The following RBMS1 variants were observed in gnomAD, a reference collection of about 807,000 sequenced individuals.
RBMS1 encodes the protein RNA-binding motif, single-stranded-interacting protein 1.
Under a neutral mutation model 62.3 loss-of-function variants are expected in RBMS1, and 17 were observed. The observed-to-expected ratio is 0.27, with a 90% CI of 0.19 to 0.41. RBMS1 has a LOEUF of 0.41. Ranked by LOEUF, RBMS1 falls within the 10% of genes least tolerant of loss-of-function variation. The pLI is 1.00. For missense variants in RBMS1, 334 were observed against 504.5 expected, an observed-to-expected ratio of 0.66 and a Z score of 3.24; for synonymous variants, 172 against 170.0, an observed-to-expected ratio of 1.01 and a Z score of -0.09.
At chr2:160,411,755 A>G (rs1389985422) in intron 1 of RBMS1, among the ~76,000 whole-genome samples, 1 of 152,190 alleles carries the variant, frequency 6.6e-6, no homozygotes, top group Non-Finnish European at 1.5e-5. Flanking sequence ...AGGTTTTATC[A>G]TGGTGATGCC....
intron 9 of RBMS1, chr2:160,282,543 C>T: frequency 3.4e-6 from 1 of 290,226 alleles, no homozygotes; most frequent in South Asian, 3.2e-5. Context: ...CCAGATGCCC[C>T]CATTTTTTAT....
chr2:160,318,229 T>TAAAAAAAAAAAAAAAA lies in RBMS1; in HGVS notation c.252-18_252-3dup, dbSNP rs5835799. 27 of 1,164,704 alleles carry TAAAAAAAAAAAAAAAA rather than the reference T, an allele frequency of 2.3e-5. No homozygotes were observed. Among genetic ancestry groups the TAAAAAAAAAAAAAAAA allele is most frequent in the South Asian group, 8.1e-5 (4 of 49,562 alleles). 72.1% of individuals were successfully genotyped at this position (1,164,704 alleles called of 1,614,324 possible). ...TTTGTGGAGACTATTTTCCCATATC[T>TAAAAAAAAAAAAAAAA]AAAAAAAAAAAAAAAAAAAAAAAGG... On this transcript the variant is annotated splice_polypyrimidine_tract_variant and splice_region_variant and intron_variant, in intron 2 of 13. Coordinates refer to ENST00000348849, the MANE Select transcript of RBMS1 (RefSeq NM_016836.4).
At chr2:160,287,865 C>T (rs796076760) in intron 6 of RBMS1, among the ~76,000 whole-genome samples, 59 of 151,574 alleles carry the variant, frequency 3.9e-4, no homozygotes, top group African/African-American at 1.3e-3. Context: ...CTGGGTATTG[C>T]TTTACTATAT....
intron 1 of RBMS1, among the ~76,000 whole-genome samples, chr2:160,420,346 C>T (rs1696373597): frequency 1.3e-5 from 2 of 152,200 alleles, no homozygotes; most frequent in Admixed American, 6.5e-5. Context: ...CCAAACCACA[C>T]TCATCCCTCC....
intron 6 of RBMS1, among the ~76,000 whole-genome samples, chr2:160,297,035 C>A (rs945723606): frequency 6.6e-6 from 1 of 152,174 alleles, no homozygotes; most frequent in Admixed American, 6.5e-5. Flanking sequence ...CTAAGTGAAA[C>A]CTCAACTTTA....
chr2:160,370,819 A>T (rs1211268327), intron 1 of RBMS1, among the ~76,000 whole-genome samples: 1 of 152,248 alleles, frequency 6.6e-6, no homozygotes, highest in South Asian at 2.1e-4. Flanking sequence ...ACTTAATACC[A>T]TTGGCAGATA....
intron 2 of RBMS1, among the ~76,000 whole-genome samples, chr2:160,352,427 A>G (rs1692569078): frequency 6.6e-6 from 1 of 152,134 alleles, no homozygotes; most frequent in Non-Finnish European, 1.5e-5. Flanking sequence ...GGTTCCATCA[A>G]TTTTCCATAT....
chr2:160,393,021 C>T (rs568955235), intron 1 of RBMS1, among the ~76,000 whole-genome samples: 85 of 152,290 alleles, frequency 5.6e-4, no homozygotes, highest in African/African-American at 1.9e-3. Context: ...AAACCAAACT[C>T]GGCAATGAAT....
intron 1 of RBMS1, among the ~76,000 whole-genome samples, chr2:160,479,856 C>G (rs1017857551): frequency 1.3e-5 from 2 of 152,172 alleles, no homozygotes; most frequent in Non-Finnish European, 2.9e-5. Context: ...ATCTATTCAA[C>G]CTCCTACTCA....
rs1306772465 is a variant in RBMS1, at chr2:160,284,845, A to G, written c.830T>C (p.Ile277Thr). The G allele has an allele frequency of 1.2e-6, 2 of 1,608,196 alleles. No homozygotes were observed. Among genetic ancestry groups the G allele is most frequent in the East Asian group, 2.2e-5 (1 of 44,830 alleles). The change falls in exon 9 of 14, where the codon ATT becomes ACT. Residue 277 changes from isoleucine to threonine, a missense_variant. By Grantham distance (89) the Ile-to-Thr change is moderately conservative. Around this residue, in one of 3 missense-constraint regions of RBMS1, gnomAD observed 182 missense variants for 257.7 expected, o/e 0.71. Transcript: ENST00000348849. ...TTGAGTGATCATTCGGTTTGTAGCA[A>G]TACTGTATGGTGAAGGATAAAATCT... is the stretch of plus-strand genomic sequence containing the variant. ...QNGFYPSPYS[I>T]ATNRMITQTS... is the part of the protein sequence containing the mutation.
At chr2:160,311,212 C>CTATA (rs1238262372) in intron 4 of RBMS1, among the ~76,000 whole-genome samples, 9 of 48,132 alleles carry the variant, frequency 1.9e-4, no homozygotes, top group Non-Finnish European at 4.0e-4. Flanking sequence ...AAAAAAAAAT[C>CTATA]TATCTATCTA....
chr2:160,319,161 CT>C (rs1690403153), intron 2 of RBMS1, among the ~76,000 whole-genome samples: 1 of 152,102 alleles, frequency 6.6e-6, no homozygotes, highest in Non-Finnish European at 1.5e-5. Flanking sequence ...CTATGCTTGC[CT>C]TCTAAAAATT....
chr2:160,420,732 T>C (rs1471168098), intron 1 of RBMS1, among the ~76,000 whole-genome samples: 2 of 152,180 alleles, frequency 1.3e-5, no homozygotes, highest in Non-Finnish European at 2.9e-5. Context: ...TGAGGACACA[T>C]GCTCCCAACT....
At chr2:160,276,719 A>G (rs1381555224) in intron 12 of RBMS1, 1 of 152,226 alleles carries the variant, frequency 6.6e-6, no homozygotes, top group African/African-American at 2.4e-5. Flanking sequence ...TCCACTAAGT[A>G]TCTTAACTAC....
At chr2:160,407,719 C>T (rs1442730673) in intron 1 of RBMS1, 3 of 981,382 alleles carry the variant, frequency 3.1e-6, no homozygotes, top group East Asian at 2.3e-4. Context: ...CCGCCTTCGA[C>T]CTCCGCACTC....
chr2:160,395,934 C>G (rs972455771), intron 1 of RBMS1, among the ~76,000 whole-genome samples: 9 of 152,128 alleles, frequency 5.9e-5, no homozygotes, highest in Non-Finnish European at 8.8e-5. Context: ...TACAAACTGA[C>G]CTGTTAGGAG....
At chr2:160,423,123 G>A (rs1187110823) in intron 1 of RBMS1, among the ~76,000 whole-genome samples, 2 of 151,976 alleles carry the variant, frequency 1.3e-5, no homozygotes, top group Admixed American at 6.6e-5. Flanking sequence ...CCTTGATTTC[G>A]AATGAACTTC....
intron 6 of RBMS1, among the ~76,000 whole-genome samples, chr2:160,287,914 T>C (rs1376296774): frequency 6.6e-6 from 1 of 150,568 alleles, no homozygotes; most frequent in African/African-American, 2.4e-5. Context: ...ATATTATTAC[T>C]ATATTACTTA....
intron 1 of RBMS1, among the ~76,000 whole-genome samples, chr2:160,444,345 A>G (rs189548768): frequency 1.3e-5 from 2 of 152,382 alleles, no homozygotes; most frequent in East Asian, 3.9e-4. Context: ...CGTGGAAACC[A>G]CATACATAAA....
Sources: allele counts gnomAD v4.1 joint callset (sites outside exome capture counted in the v4.1 genomes callset), GRCh38; gene constraint gnomAD v4.1.1; regional missense constraint gnomAD v4.1.1; transcripts MANE v1.5; gene names NCBI Gene and HGNC (gene_info 2026-07-23, HGNC 2026-07-21).